The following RGS7BP variants were observed in gnomAD, a reference collection of about 807,000 sequenced individuals.
RGS7BP encodes regulator of G protein signaling 7-binding protein.
A neutral mutation model predicts 31.3 loss-of-function variants in RGS7BP; 9 were observed. The observed-to-expected ratio is 0.29, with a 90% CI of 0.17 to 0.50. RGS7BP has a LOEUF of 0.50. RGS7BP is among the 20% of genes least tolerant of loss of function. RGS7BP has a pLI of 0.98. For missense variants in RGS7BP, 274 were observed against 322.0 expected (o/e 0.85, Z 1.14); for synonymous variants, 115 against 120.1 (o/e 0.96, Z 0.28).
chr5:64,515,741 G>A (rs1050429819), intron 2 of RGS7BP, among the ~76,000 whole-genome samples: 2 of 133,226 alleles, frequency 1.5e-5, no homozygotes, highest in Admixed American at 1.6e-4. Context: ...CACATATAAT[G>A]CACACACACA....
At chr5:64,536,436 C>A (rs534822943) in intron 2 of RGS7BP, among the ~76,000 whole-genome samples, 3 of 152,106 alleles carry the variant, frequency 2.0e-5, no homozygotes, top group African/African-American at 7.2e-5. Flanking sequence ...TATTGTCGCA[C>A]GCGTTCACAA....
Position 64,506,767 on chromosome 5 carries a change from G to A in RGS7BP, c.143G>A (p.Arg48Gln), listed in dbSNP as rs1029997558. 2 of 1,602,830 alleles carry A rather than the reference G, an allele frequency of 1.2e-6. No individual in the cohort carries two copies. The highest frequency in any genetic ancestry group is 1.7e-6 in the Non-Finnish European group (2 of 1,171,510). The stretch of plus-strand genomic sequence containing the variant: ...TCCGAGAGCGCCCACAAAACCCAAC[G>A]AGCCCTGGACGACTGCAAGATGGTG... ...SGSESAHKTQRALDDCKMLVQ... is the reference protein window; with the variant it reads ...SGSESAHKTQQALDDCKMLVQ... The change falls in exon 1 of 6, where the codon CGA (arginine) becomes CAA (glutamine). Residue 48 changes from arginine (R) to glutamine (Q), a missense_variant. By Grantham distance (43) the Arg-to-Gln change is conservative. This residue lies in a region of RGS7BP where 149 missense variants were observed against 152.6 expected (regional missense o/e 0.98). Transcript: ENST00000334025. The surrounding 1 kb of genome is among the most constrained non-coding windows in gnomAD (Gnocchi z 4.6).
At chr5:64,605,174 A>G (rs1743322120) in intron 5 of RGS7BP, among the ~76,000 whole-genome samples, 1 of 151,782 alleles carries the variant, frequency 6.6e-6, no homozygotes, top group African/African-American at 2.4e-5. Context: ...CACATTTAAA[A>G]CTGTCTTAGG....
Position 64,595,315 on chromosome 5 carries a change from T to G in RGS7BP, c.611+458T>G, listed in dbSNP as rs533925487. Among the ~76,000 whole-genome samples the G allele has an allele frequency of 5.9e-5, 9 of 152,288 alleles. No homozygotes were observed. The East Asian group carries it at 1.7e-3, about 29-fold the overall frequency. On this transcript the variant is annotated intron_variant, in intron 4 of 5. Coordinates refer to ENST00000334025, the MANE Select transcript of RGS7BP (RefSeq NM_001029875.3). ...CGGGTTTCAGGTATATGGAACAGCC[T>G]GCTTAGCTGCCATTTAGGGGCTGAG...
intron 2 of RGS7BP, among the ~76,000 whole-genome samples, chr5:64,530,375 C>T (rs1749339736): frequency 6.6e-6 from 1 of 152,130 alleles, no homozygotes; most frequent in Admixed American, 6.5e-5. Flanking sequence ...TATTATTGGC[C>T]TAGAATGACA....
intron 5 of RGS7BP, among the ~76,000 whole-genome samples, chr5:64,598,867 C>G (rs1743147612): frequency 6.6e-6 from 1 of 152,180 alleles, no homozygotes; most frequent in Non-Finnish European, 1.5e-5. Flanking sequence ...TTATTTAATT[C>G]TAAACAACTT....
chr5:64,559,709 A>T (rs1742006777), intron 2 of RGS7BP, among the ~76,000 whole-genome samples: 1 of 152,118 alleles, frequency 6.6e-6, no homozygotes, highest in Non-Finnish European at 1.5e-5. Flanking sequence ...GGAAGAAATG[A>T]AAAAAGGCAA....
In RGS7BP at chr5:64,506,809, C is replaced by A; in HGVS notation, c.165+20C>A. The A allele has an allele frequency of 6.7e-5, 89 of 1,326,544 alleles. No individual in the cohort carries two copies. Among genetic ancestry groups the A allele is most frequent in the Non-Finnish European group, 8.1e-5 (81 of 1,001,696 alleles). 82.2% of individuals were successfully genotyped at this position (1,326,544 alleles called of 1,614,324 possible). A position where few individuals can be genotyped will look rare whatever the true frequency, so the allele number is the denominator to read the frequency against. ...AAGATGGTGGGTGAAAACTGCGCCT[C>A]TTTTTTTTTTTTTTTAATTGAGAGG... On this transcript the variant is annotated intron_variant, in intron 1 of 5. Transcript: ENST00000334025. This position sits in a 1 kb window ranked among gnomAD's most constrained non-coding sequence, Gnocchi z 4.6.
intron 3 of RGS7BP, among the ~76,000 whole-genome samples, chr5:64,592,523 A>ATTTATGGC (rs1264542680): frequency 6.6e-6 from 1 of 152,148 alleles, no homozygotes; most frequent in Non-Finnish European, 1.5e-5. Context: ...ACTAGATCCC[A>ATTTATGGC]TTTATGGCTT....
At chr5:64,552,148 T>C (rs568832968) in intron 2 of RGS7BP, among the ~76,000 whole-genome samples, 1 of 152,318 alleles carries the variant, frequency 6.6e-6, no homozygotes, top group East Asian at 1.9e-4. Context: ...CAATAAAATA[T>C]GTCTTTTGAT....
intron 2 of RGS7BP, among the ~76,000 whole-genome samples, chr5:64,541,974 C>G (rs986597566): frequency 6.6e-6 from 1 of 151,660 alleles, no homozygotes; most frequent in African/African-American, 2.4e-5. Context: ...ATTTTTCCAT[C>G]TTATTTTTTG....
intron 2 of RGS7BP, among the ~76,000 whole-genome samples, chr5:64,551,387 C>T (rs1305750604): frequency 2.0e-5 from 3 of 151,410 alleles, no homozygotes; most frequent in Middle Eastern, 3.2e-3. Flanking sequence ...CTCAGCCTCC[C>T]GAGTGGCTGG....
intron 5 of RGS7BP, among the ~76,000 whole-genome samples, chr5:64,602,226 G>C (rs1743236930): frequency 6.6e-6 from 1 of 152,194 alleles, no homozygotes; most frequent in Admixed American, 6.5e-5. Flanking sequence ...ATCTAGCCTA[G>C]AGATGACCTT....
intron 2 of RGS7BP, among the ~76,000 whole-genome samples, chr5:64,566,164 A>G (rs1742164473): frequency 6.6e-6 from 1 of 151,998 alleles, no homozygotes; most frequent in African/African-American, 2.4e-5. Context: ...TGTTTTTGCT[A>G]TTATTATTAT....
intron 2 of RGS7BP, among the ~76,000 whole-genome samples, chr5:64,545,882 A>G (rs950688054): frequency 6.6e-6 from 1 of 152,328 alleles, no homozygotes; most frequent in Non-Finnish European, 1.5e-5. Context: ...AGATAAATGG[A>G]TCTGGACCTT....
chr5:64,506,418 G>A lies in RGS7BP; in HGVS notation c.-207G>A. On this transcript the variant is annotated 5_prime_UTR_variant, in exon 1 of 6. Transcript: ENST00000334025. The surrounding 1 kb of genome is among the most constrained non-coding windows in gnomAD (Gnocchi z 4.6). Reference sequence around the variant, plus strand: ...ATCGCGCTCCTTCCTCGCTGCTAGTGGAAGCGATGCTGCACGGCACAGCTA... The same window carrying A: ...ATCGCGCTCCTTCCTCGCTGCTAGTAGAAGCGATGCTGCACGGCACAGCTA... 1 of 424,236 alleles carries A rather than the reference G, an allele frequency of 2.4e-6. No individual in the cohort carries two copies. The highest frequency in any genetic ancestry group is 4.2e-6 in the Non-Finnish European group (1 of 240,784). The allele number at this position is 424,236 out of a possible 1,614,324, so 26.3% of individuals were successfully genotyped here.
At chr5:64,536,012 T>C (rs1027673113) in intron 2 of RGS7BP, among the ~76,000 whole-genome samples, 12 of 152,184 alleles carry the variant, frequency 7.9e-5, no homozygotes, top group African/African-American at 1.2e-4. Flanking sequence ...CAGGTGCCAA[T>C]TTAAGTCTGT....
chr5:64,560,679 C>T (rs1194814307), intron 2 of RGS7BP, among the ~76,000 whole-genome samples: 1 of 151,962 alleles, frequency 6.6e-6, no homozygotes, highest in Non-Finnish European at 1.5e-5. Flanking sequence ...TTTGAAAGCT[C>T]TTATTTTGTA....
intron 5 of RGS7BP, among the ~76,000 whole-genome samples, chr5:64,602,009 T>C (rs762859949): frequency 9.2e-5 from 14 of 152,174 alleles, no homozygotes; most frequent in Non-Finnish European, 1.5e-4. Flanking sequence ...AGTCGAGAAG[T>C]AGGTAAGTCA....
Sources: gnomAD v4.1 joint callset for allele counts (sites outside exome capture counted in the v4.1 genomes callset) on GRCh38, gnomAD v4.1.1 for gene constraint, gnomAD v4.1.1 regional missense constraint, Gnocchi (gnomAD v3.1) non-coding constraint, MANE v1.5 for transcripts, NCBI Gene and HGNC (gene_info 2026-07-23, HGNC 2026-07-21) for gene names.